Variants in CNTNAP5 observed in about 807,000 individuals in gnomAD.
CNTNAP5 encodes the protein contactin-associated protein-like 5.
Under a neutral mutation model 150.2 loss-of-function variants are expected in CNTNAP5, and 72 were observed. The observed-to-expected ratio is 0.48, with a 90% CI of 0.40 to 0.58. The LOEUF (loss-of-function observed/expected upper bound fraction) is 0.58. CNTNAP5 is among the 20% of genes least tolerant of loss of function. The probability of loss-of-function intolerance (pLI) is 0.00; values close to 1 mark genes in which losing one functional copy is unlikely to be tolerated. For synonymous variants in CNTNAP5, 672 were observed against 619.8 expected, an observed-to-expected ratio of 1.08 and a Z score of -1.25; for missense variants, 1,636 against 1,626.2, an observed-to-expected ratio of 1.01 and a Z score of -0.10.
chr2:124,814,905 G>A (rs1307260754), intron 19 of CNTNAP5, among the ~76,000 whole-genome samples: 1 of 152,108 alleles, frequency 6.6e-6, no homozygotes, highest in East Asian at 1.9e-4. Context: ...AAAGAGAGGG[G>A]AAAAACGTGA....
intron 1 of CNTNAP5, among the ~76,000 whole-genome samples, chr2:124,163,764 G>A (rs896267582): frequency 1.3e-5 from 2 of 151,440 alleles, no homozygotes; most frequent in Non-Finnish European, 1.5e-5. Context: ...TTTCTTTCAA[G>A]TTAAGGAAAG....
chr2:124,363,799 G>A (rs188977083), intron 3 of CNTNAP5, among the ~76,000 whole-genome samples: 96 of 152,266 alleles, frequency 6.3e-4, no homozygotes, highest in Non-Finnish European at 1.1e-3. Flanking sequence ...CTAGATGTAC[G>A]CATATGTCCA....
intron 3 of CNTNAP5, among the ~76,000 whole-genome samples, chr2:124,262,378 T>G (rs541688342): frequency 6.6e-6 from 1 of 152,352 alleles, no homozygotes; most frequent in East Asian, 1.9e-4. Flanking sequence ...ATAAATCCAG[T>G]GTGAGGCTAA....
At chr2:124,298,478 AT>A (rs1381223393) in intron 3 of CNTNAP5, among the ~76,000 whole-genome samples, 1 of 152,178 alleles carries the variant, frequency 6.6e-6, no homozygotes, top group Non-Finnish European at 1.5e-5. Flanking sequence ...GTAAGTGTTC[AT>A]TCATCAAAAG....
chr2:124,125,490 A>G (rs923152106), intron 1 of CNTNAP5, among the ~76,000 whole-genome samples: 8 of 152,206 alleles, frequency 5.3e-5, no homozygotes, highest in African/African-American at 1.9e-4. Context: ...CACTGTCAAC[A>G]TTAGACAGAT....
At chr2:124,510,516 T>TATATATATATATATAC (rs1553474741) in intron 8 of CNTNAP5, among the ~76,000 whole-genome samples, 3 of 123,202 alleles carry the variant, frequency 2.4e-5, no homozygotes, top group African/African-American at 1.0e-4. Flanking sequence ...TATATATATA[T>TATATATATATATATAC]ATACATATAT....
chr2:124,203,199 G>T (rs528909785), intron 1 of CNTNAP5, among the ~76,000 whole-genome samples: 3 of 152,152 alleles, frequency 2.0e-5, no homozygotes, highest in African/African-American at 4.8e-5. Flanking sequence ...AAATCCAGCA[G>T]GGGAATCAAA....
intron 3 of CNTNAP5, among the ~76,000 whole-genome samples, chr2:124,271,288 C>T (rs919547580): frequency 6.6e-6 from 1 of 151,704 alleles, no homozygotes; most frequent in African/African-American, 2.4e-5. Context: ...AGGAGAACAG[C>T]AAGAGACAAA....
chr2:124,029,294 T>C (rs1680978053), intron 1 of CNTNAP5, among the ~76,000 whole-genome samples: 1 of 152,074 alleles, frequency 6.6e-6, no homozygotes, highest in Admixed American at 6.5e-5. Flanking sequence ...ATAGATAATA[T>C]TAAAAATAAA....
Position 124,911,490 on chromosome 2 carries a change from C to T in CNTNAP5, c.3679C>T (p.Arg1227Trp), listed in dbSNP as rs376650684. ...SSDPFGKTDE[R>W]EPLTNAVRSD... ...AGATCCTTTTGGGAAGACAGATGAGCGGGAACCACTCACAAATGCTGTTCG... is the reference window on the plus strand; with the variant it reads ...AGATCCTTTTGGGAAGACAGATGAGTGGGAACCACTCACAAATGCTGTTCG... Residue 1227 changes from arginine to tryptophan, a missense_variant, in exon 23 of 24, where the codon CGG becomes TGG. Physicochemically the swap from Arg to Trp is moderately radical, Grantham distance 101 (BLOSUM62 -3). Coordinates refer to ENST00000682447, the MANE Select transcript of CNTNAP5 (RefSeq NM_001367498.1). 12 of 1,600,862 alleles carry T rather than the reference C, an allele frequency of 7.5e-6. No homozygotes were observed. Among genetic ancestry groups the T allele is most frequent in the Admixed American group, 5.1e-5 (3 of 58,472 alleles).
chr2:124,086,329 G>A (rs1259503671), intron 1 of CNTNAP5, among the ~76,000 whole-genome samples: 5 of 150,322 alleles, frequency 3.3e-5, no homozygotes, highest in African/African-American at 1.2e-4. Context: ...TCAGCCTCCC[G>A]AGTAGCTGGG....
At chr2:124,620,741 ACATG>A (rs202206972) in intron 12 of CNTNAP5, among the ~76,000 whole-genome samples, 37,743 of 138,704 alleles carry the variant, frequency 0.27, 5,408 homozygotes, top group Non-Finnish European at 0.34. Context: ...ACACACACAC[ACATG>A]CACACACACA....
At chr2:124,685,307 T>G (rs146079210) in intron 13 of CNTNAP5, among the ~76,000 whole-genome samples, 1 of 152,312 alleles carries the variant, frequency 6.6e-6, no homozygotes, top group African/African-American at 2.4e-5. Flanking sequence ...CTCCACTATT[T>G]TGGAGGCTGT....
intron 1 of CNTNAP5, among the ~76,000 whole-genome samples, chr2:124,215,557 C>T (rs1686134355): frequency 6.6e-6 from 1 of 151,934 alleles, no homozygotes; most frequent in Non-Finnish European, 1.5e-5. Context: ...AAACAAAATG[C>T]TTGTCCATGC....
rs114306545 is a variant in CNTNAP5, at chr2:124,301,143, G to A, written c.381+58750G>A. On this transcript the variant is annotated intron_variant, in intron 3 of 23. Transcript: ENST00000682447. ...TTTACAAAGATGTTGATCTGTAATT[G>A]CTAGTACTGACTCTTTTGCTTTCAT... Among the ~76,000 whole-genome samples, 472 of 152,244 alleles carry A rather than the reference G, an allele frequency of 3.1e-3. 2 individuals carry two copies. The highest frequency in any genetic ancestry group is 0.011 in the African/African-American group (446 of 41,552).
chr2:124,223,611 G>A (rs1686380893), intron 2 of CNTNAP5, among the ~76,000 whole-genome samples: 1 of 151,930 alleles, frequency 6.6e-6, no homozygotes, highest in Non-Finnish European at 1.5e-5. Context: ...TGCAGCAGCA[G>A]AAAGCAATTA....
chr2:124,208,042 T>G (rs1685908049), intron 1 of CNTNAP5, among the ~76,000 whole-genome samples: 1 of 152,212 alleles, frequency 6.6e-6, no homozygotes, highest in Admixed American at 6.5e-5. Flanking sequence ...CATGCTGAAG[T>G]ATTTTGCCTG....
At chr2:124,139,663 G>C (rs182225266) in intron 1 of CNTNAP5, among the ~76,000 whole-genome samples, 7 of 152,158 alleles carry the variant, frequency 4.6e-5, no homozygotes, top group South Asian at 2.1e-4. Flanking sequence ...TCCTTCCTTC[G>C]GTCTCTCATT....
chr2:124,719,431 C>T (rs551610780), intron 13 of CNTNAP5, among the ~76,000 whole-genome samples: 22 of 152,072 alleles, frequency 1.4e-4, no homozygotes, highest in Non-Finnish European at 2.8e-4. Context: ...AAATAAAAGG[C>T]ACACAAATAA....
Sources: allele counts gnomAD v4.1 joint callset (sites outside exome capture counted in the v4.1 genomes callset), GRCh38; gene constraint gnomAD v4.1.1; transcripts MANE v1.5; gene names NCBI Gene and HGNC (gene_info 2026-07-23, HGNC 2026-07-21).